CAMKMT: variants seen among roughly 807,000 people sequenced by gnomAD.
The protein encoded by CAMKMT is CaM KMT.
Under a neutral mutation model 48.0 loss-of-function variants are expected in CAMKMT, and 53 were observed. The observed-to-expected ratio is 1.10, with a 90% confidence interval of 0.89 to 1.39. The LOEUF (loss-of-function observed/expected upper bound fraction) is 1.39, where lower values mean the gene tolerates loss of function less well. Ranked by LOEUF, CAMKMT falls within the 40% of genes most tolerant of loss-of-function variation. The probability of loss-of-function intolerance (pLI) is 0.00; values close to 1 mark genes in which losing one functional copy is unlikely to be tolerated. For synonymous variants in CAMKMT, 165 were observed against 152.3 expected (o/e 1.08, Z -0.61); for missense variants, 428 against 402.7 (o/e 1.06, Z -0.54).
Position 44,362,160 on chromosome 2 carries a change from G to A in CAMKMT, c.138+15G>A, listed in dbSNP as rs900888270. On this transcript the variant is annotated intron_variant, in intron 1 of 10. Transcript: ENST00000378494. ...TCCTGCGGCAGGTAAGGGAGAACCT[G>A]CTCGCCTCACCTTTGCCTCTGGTCA... 7.5e-6 allele frequency: 11 copies of A among 1,459,150 alleles called. 1 individual carries two copies. The East Asian group carries it at 3.2e-4, about 43-fold the overall frequency. The allele number at this position is 1,459,150 out of a possible 1,614,324, so 90.4% of individuals were successfully genotyped here.
chr2:44,582,511 A>T (rs1669621595), intron 3 of CAMKMT, among the ~76,000 whole-genome samples: 1 of 152,192 alleles, frequency 6.6e-6, no homozygotes, highest in South Asian at 2.1e-4. Flanking sequence ...GTCAGTGGTT[A>T]CCTGCTCATT....
intron 3 of CAMKMT, among the ~76,000 whole-genome samples, chr2:44,503,562 T>A (rs1022480567): frequency 6.6e-6 from 1 of 152,176 alleles, no homozygotes; most frequent in Non-Finnish European, 1.5e-5. Context: ...AGAGGACCTT[T>A]GAGATGAAAA....
chr2:44,538,635 G>T (rs1024389896), intron 3 of CAMKMT, among the ~76,000 whole-genome samples: 9 of 151,856 alleles, frequency 5.9e-5, no homozygotes. Context: ...AGGTTGGGGT[G>T]GGGGTGATAG....
At chr2:44,387,556 C>T (rs922714248) in intron 2 of CAMKMT, among the ~76,000 whole-genome samples, 1 of 151,892 alleles carries the variant, frequency 6.6e-6, no homozygotes, top group Non-Finnish European at 1.5e-5. Context: ...TAATTGTACT[C>T]TTTGTTGCCT....
At chr2:44,445,375 G>A (rs375795099) in intron 3 of CAMKMT, among the ~76,000 whole-genome samples, 4 of 152,112 alleles carry the variant, frequency 2.6e-5, no homozygotes, top group East Asian at 1.9e-4. Context: ...AGGGATGCCT[G>A]CTCCCCTCTT....
chr2:44,742,739 C>A (rs746599282), intron 7 of CAMKMT, among the ~76,000 whole-genome samples: 18 of 152,148 alleles, frequency 1.2e-4, no homozygotes, highest in Non-Finnish European at 2.2e-4. Context: ...AGACACATGA[C>A]TTTTCACCTA....
chr2:44,683,692 G>A (rs1373267554), intron 3 of CAMKMT, among the ~76,000 whole-genome samples: 5 of 151,606 alleles, frequency 3.3e-5, no homozygotes, highest in Admixed American at 6.6e-5. Context: ...GCGTGGTGGC[G>A]GACGCCTGTA....
chr2:44,492,109 G>A (rs573208628), intron 3 of CAMKMT, among the ~76,000 whole-genome samples: 42 of 152,046 alleles, frequency 2.8e-4, no homozygotes, highest in African/African-American at 1.0e-3. Context: ...GGCAGGGGTT[G>A]AACATAAATC....
chr2:44,417,338 T>C (rs1211873687), intron 3 of CAMKMT, among the ~76,000 whole-genome samples: 6 of 152,034 alleles, frequency 3.9e-5, no homozygotes, highest in Admixed American at 1.3e-4. Flanking sequence ...GAGGTTGCAG[T>C]GAGGTGAGAT....
At chr2:44,464,837 A>C (rs1429417854) in intron 3 of CAMKMT, among the ~76,000 whole-genome samples, 3 of 152,180 alleles carry the variant, frequency 2.0e-5, no homozygotes, top group African/African-American at 7.2e-5. Context: ...GCTAAAAGGA[A>C]TCTTTCAAGT....
chr2:44,511,790 G>T (rs1195255367), intron 3 of CAMKMT, among the ~76,000 whole-genome samples: 1 of 152,064 alleles, frequency 6.6e-6, no homozygotes, highest in Non-Finnish European at 1.5e-5. Flanking sequence ...TTTATCTTTT[G>T]GTTGGGTCCC....
intron 3 of CAMKMT, among the ~76,000 whole-genome samples, chr2:44,498,021 G>T (rs370203819): frequency 1.6e-4 from 24 of 152,194 alleles, no homozygotes; most frequent in African/African-American, 5.8e-4. Flanking sequence ...AAGACATCAG[G>T]GATCATGGAG....
chr2:44,370,927 C>A (rs1423091333), intron 1 of CAMKMT, among the ~76,000 whole-genome samples: 1 of 152,220 alleles, frequency 6.6e-6, no homozygotes, highest in Non-Finnish European at 1.5e-5. Flanking sequence ...CCTCTTGCCT[C>A]AGCTTCCTGA....
chr2:44,441,453 A>G (rs928114368), intron 3 of CAMKMT, among the ~76,000 whole-genome samples: 2 of 152,168 alleles, frequency 1.3e-5, no homozygotes, highest in Admixed American at 6.5e-5. Flanking sequence ...CTAAGACTCT[A>G]TCTGCTTTCT....
chr2:44,724,203 C>T (rs961051213), intron 7 of CAMKMT, among the ~76,000 whole-genome samples: 1 of 152,110 alleles, frequency 6.6e-6, no homozygotes, highest in African/African-American at 2.4e-5. Flanking sequence ...GCCAGGAGTT[C>T]AAAGCTGTAG....
chr2:44,518,413 A>G (rs373530248), intron 3 of CAMKMT, among the ~76,000 whole-genome samples: 3 of 152,346 alleles, frequency 2.0e-5, no homozygotes, highest in East Asian at 3.9e-4. Context: ...AATAAAAAAC[A>G]TAATGTTTGC....
intron 3 of CAMKMT, among the ~76,000 whole-genome samples, chr2:44,558,955 C>CTGTG (rs4039615): frequency 0.036 from 5,460 of 151,184 alleles, 306 homozygotes; most frequent in African/African-American, 0.12. Context: ...AAATGTGTCT[C>CTGTG]TGTGTGTGTG....
chr2:44,591,831 A>G (rs1670301311), intron 3 of CAMKMT, among the ~76,000 whole-genome samples: 2 of 152,102 alleles, frequency 1.3e-5, no homozygotes, highest in African/African-American at 4.8e-5. Flanking sequence ...CAACAGTGAT[A>G]GACTGGATTA....
rs1668396348 is a variant in CAMKMT at position 44,562,826 on chromosome 2, G to T, written c.377-141457G>T. ...TCTGCCCGCCTGGGTCTTCCAAGGTGCTGGGATTACAGGCGTGAGCCACAG... is the reference window on the plus strand; with the variant it reads ...TCTGCCCGCCTGGGTCTTCCAAGGTTCTGGGATTACAGGCGTGAGCCACAG... On this transcript the variant is annotated intron_variant, in intron 3 of 10. Transcript: ENST00000378494. 2.0e-5 allele frequency among the ~76,000 whole-genome samples: 3 copies of T among 152,156 alleles called. 1 individual carries two copies. In the South Asian group the frequency reaches 6.2e-4, roughly 31 times the overall value.
Sources: gnomAD v4.1 joint callset for allele counts (sites outside exome capture counted in the v4.1 genomes callset) on GRCh38, gnomAD v4.1.1 for gene constraint, MANE v1.5 for transcripts, NCBI Gene and HGNC (gene_info 2026-07-23, HGNC 2026-07-21) for gene names.